The following FCHSD2 variants were observed in gnomAD, a reference collection of about 807,000 sequenced individuals.
FCHSD2 encodes F-BAR and double SH3 domains protein 2.
Under a neutral mutation model 108.1 loss-of-function variants are expected in FCHSD2, and 38 were observed. The ratio of observed to expected loss-of-function variants is 0.35; its 90% CI spans 0.27 to 0.46. FCHSD2 has a LOEUF of 0.46. Ranked by LOEUF, FCHSD2 falls within the 20% of genes least tolerant of loss-of-function variation. The pLI is 1.00. For missense variants in FCHSD2, 751 were observed against 897.8 expected, an observed-to-expected ratio of 0.84 and a Z score of 2.09; for synonymous variants, 279 against 314.7, an observed-to-expected ratio of 0.89 and a Z score of 1.20.
chr11:73,114,185 C>T (rs1433688170), intron 2 of FCHSD2, among the ~76,000 whole-genome samples: 1 of 151,936 alleles, frequency 6.6e-6, no homozygotes, highest in Non-Finnish European at 1.5e-5. Context: ...TTTCCACAAG[C>T]AGAAGAGCTT....
intron 2 of FCHSD2, 56 bp from the exon 3 acceptor site, chr11:73,083,796 A>C (rs1859753268): frequency 2.5e-5 from 28 of 1,132,750 alleles, no homozygotes; most frequent in Non-Finnish European, 3.6e-5. Context: ...ATTTAATGTA[A>C]ATCTATCAAC....
Position 72,889,867 on chromosome 11 carries a change from C to T in FCHSD2, c.1003G>A (p.Val335Met). The change falls in exon 11 of 20, where the codon GTG becomes ATG. Residue 335 changes from valine to methionine, a missense_variant. Transcript: ENST00000409418. Reference sequence around the variant, plus strand: ...ACAATGTTTTTATGCTCACGTGCCACACGTGTGGCCCATTTTCGAGCTTCC... The same window carrying T: ...ACAATGTTTTTATGCTCACGTGCCATACGTGTGGCCCATTTTCGAGCTTCC... ...NKEARKWATRVAREHKNIVHQ... is the reference protein window; with the variant it reads ...NKEARKWATRMAREHKNIVHQ... The T allele has an allele frequency of 6.2e-7, 1 of 1,613,358 alleles. No individual in the cohort carries two copies. The highest frequency in any genetic ancestry group is 8.5e-7 in the Non-Finnish European group (1 of 1,179,300).
intron 3 of FCHSD2, among the ~76,000 whole-genome samples, chr11:73,082,633 A>G (rs1473766378): frequency 6.6e-6 from 1 of 152,160 alleles, no homozygotes; most frequent in East Asian, 1.9e-4. Flanking sequence ...ATTATTTATA[A>G]TGAGAATAAA....
intron 2 of FCHSD2, among the ~76,000 whole-genome samples, chr11:73,099,223 A>C (rs1007790653): frequency 6.6e-6 from 1 of 152,204 alleles, no homozygotes; most frequent in African/African-American, 2.4e-5. Context: ...TCCAAAAATA[A>C]ACACACAATG....
rs758084137 is a variant in FCHSD2 at position 72,843,349 on chromosome 11, A to G, written c.1528-21T>C. 56 of 1,603,618 alleles carry G rather than the reference A, an allele frequency of 3.5e-5. No individual in the cohort carries two copies. The Middle Eastern group carries it at 5.0e-4, about 14-fold the overall frequency. ...CGAGCCTGGGTAAAAGACATGTGAC[A>G]AAACAAGTTTACACACACAATTTAG... On this transcript the variant is annotated intron_variant, in intron 15 of 19. Coordinates refer to ENST00000409418, the MANE Select transcript of FCHSD2 (RefSeq NM_014824.3).
At chr11:73,037,295 T>C (rs1858521666) in intron 3 of FCHSD2, among the ~76,000 whole-genome samples, 1 of 152,324 alleles carries the variant, frequency 6.6e-6, no homozygotes, top group African/African-American at 2.4e-5. Flanking sequence ...CACAGTCATC[T>C]GAAGTCCATG....
At chr11:73,000,236 C>G (rs545451536) in intron 5 of FCHSD2, among the ~76,000 whole-genome samples, 146 of 152,046 alleles carry the variant, frequency 9.6e-4, no homozygotes, top group African/African-American at 3.3e-3. Context: ...TATTATTTCC[C>G]GAAATAATTA....
chr11:72,902,562 T>C lies in FCHSD2; in HGVS notation c.905A>G (p.Gln302Arg), dbSNP rs745718172. 22 of 1,584,810 alleles carry C rather than the reference T, an allele frequency of 1.4e-5. No individual in the cohort carries two copies. In the South Asian group the frequency reaches 2.3e-4, roughly 17 times the overall value. ...CCTTACAGTATCACTGTCACAAGGCTGGAACTGGAAGGGCTGGGGTTTGTG... is the reference window on the plus strand; with the variant it reads ...CCTTACAGTATCACTGTCACAAGGCCGGAACTGGAAGGGCTGGGGTTTGTG... ...VFHKPQPFQFQPCDSDTSRQL... is the reference protein window; with the variant it reads ...VFHKPQPFQFRPCDSDTSRQL... Residue 302 changes from glutamine to arginine, a missense_variant, in exon 10 of 20, where the codon CAG becomes CGG. By Grantham distance (43) the Gln-to-Arg change is conservative (BLOSUM62 1). Coordinates refer to ENST00000409418, the MANE Select transcript of FCHSD2 (RefSeq NM_014824.3).
chr11:73,075,462 A>G (rs1200374198), intron 3 of FCHSD2, among the ~76,000 whole-genome samples: 3 of 152,244 alleles, frequency 2.0e-5, no homozygotes, highest in African/African-American at 7.2e-5. Context: ...CTAGAACTAG[A>G]ACCTTCATGC....
chr11:73,141,946 G>A lies in FCHSD2; in HGVS notation c.-69C>T. On this transcript the variant is annotated 5_prime_UTR_variant, in exon 1 of 20. Coordinates refer to ENST00000409418, the MANE Select transcript of FCHSD2 (RefSeq NM_014824.3). ...AGGACCAGGAGGAGGAGGAGGGCCG[G>A]AGAGGAGGGGACGGCCCAGCGAGCG... 2 of 1,461,632 alleles carry A rather than the reference G, an allele frequency of 1.4e-6. No individual in the cohort carries two copies. Among genetic ancestry groups the A allele is most frequent in the Non-Finnish European group, 9.2e-7 (1 of 1,081,792 alleles). The allele number at this position is 1,461,632 out of a possible 1,614,324, so 90.5% of individuals were successfully genotyped here. A position where few individuals can be genotyped will look rare whatever the true frequency, so the allele number is the denominator to read the frequency against.
At chr11:72,952,517 G>A (rs1856638377) in intron 8 of FCHSD2, among the ~76,000 whole-genome samples, 1 of 151,956 alleles carries the variant, frequency 6.6e-6, no homozygotes, top group African/African-American at 2.4e-5. Flanking sequence ...TAGAGACAAG[G>A]TTTCACCATG....
chr11:73,021,723 AAAG>A (rs1424497830), intron 3 of FCHSD2, among the ~76,000 whole-genome samples: 1 of 152,212 alleles, frequency 6.6e-6, no homozygotes, highest in Non-Finnish European at 1.5e-5. Flanking sequence ...ACTTAAAAAA[AAAG>A]CTCATTCATG....
At chr11:72,847,703 T>C (rs1861182561) in intron 14 of FCHSD2, among the ~76,000 whole-genome samples, 1 of 149,826 alleles carries the variant, frequency 6.7e-6, no homozygotes, top group South Asian at 2.1e-4. Flanking sequence ...TTTTTTTTTT[T>C]TTTTTTTGAG....
chr11:72,927,549 A>G (rs1856100482), intron 8 of FCHSD2, among the ~76,000 whole-genome samples: 2 of 152,268 alleles, frequency 1.3e-5, no homozygotes, highest in Middle Eastern at 6.8e-3. Flanking sequence ...AAACTGCTCT[A>G]AACAATAAAG....
chr11:73,083,559 A>G, intron 3 of FCHSD2, 136 bp downstream of exon 3: 2 of 582,356 alleles, frequency 3.4e-6, no homozygotes, highest in Non-Finnish European at 5.9e-6. Flanking sequence ...GAAAAAAAGA[A>G]AAAAAAAAAA....
intron 2 of FCHSD2, among the ~76,000 whole-genome samples, chr11:73,105,559 C>A (rs540456984): frequency 2.0e-5 from 3 of 152,162 alleles, no homozygotes; most frequent in South Asian, 2.1e-4. Flanking sequence ...CTTTACTACT[C>A]TAAGCCTCAA....
intron 8 of FCHSD2, among the ~76,000 whole-genome samples, chr11:72,943,961 T>C (rs976947189): frequency 5.9e-5 from 9 of 152,160 alleles, no homozygotes; most frequent in African/African-American, 2.2e-4. Context: ...TTAACTTCTA[T>C]TGCATGACAT....
intron 2 of FCHSD2, among the ~76,000 whole-genome samples, chr11:73,109,844 G>A (rs1860440057): frequency 6.6e-6 from 1 of 152,036 alleles, no homozygotes. Flanking sequence ...TGTCTTAAAT[G>A]GCTTTTATTG....
At chr11:72,849,606 TA>T in intron 14 of FCHSD2, 148 bp downstream of exon 14, 2 of 661,158 alleles carry the variant, frequency 3.0e-6, no homozygotes, top group Non-Finnish European at 2.6e-6. Flanking sequence ...AGTCAGAGCC[TA>T]AACTCATCAC....
Sources: allele counts gnomAD v4.1 joint callset (sites outside exome capture counted in the v4.1 genomes callset), GRCh38; gene constraint gnomAD v4.1.1; transcripts MANE v1.5; gene names NCBI Gene and HGNC (gene_info 2026-07-23, HGNC 2026-07-21).